MPV17: variants seen among roughly 807,000 people sequenced by gnomAD.
MPV17 encodes MPV17, mitochondrial inner membrane protein.
MPV17 carries 31 observed loss-of-function variants against 28.6 expected under a neutral mutation model. That is an observed-to-expected ratio of 1.08 (90% CI 0.81 to 1.46). The LOEUF is 1.46. Ranked by LOEUF, MPV17 falls within the 40% of genes most tolerant of loss-of-function variation. The pLI is 0.00. For missense variants in MPV17, 198 were observed against 216.2 expected (o/e 0.92, Z 0.53); for synonymous variants, 87 against 85.3 (o/e 1.02, Z -0.11).
chr2:27,320,942 G>GA (rs1679834297), intron 2 of MPV17, among the ~76,000 whole-genome samples: 1 of 152,180 alleles, frequency 6.6e-6, no homozygotes, highest in South Asian at 2.1e-4. Context: ...AAAGTGCTGG[G>GA]AGGCTACATT....
chr2:27,315,831 G>T, intron 2 of MPV17: 1 of 1,176,828 alleles, frequency 8.5e-7, no homozygotes, highest in Non-Finnish European at 1.1e-6. Context: ...CAAAGTGTTG[G>T]GATTATAGGT....
At chr2:27,321,743 G>A (rs1410314139) in intron 2 of MPV17, among the ~76,000 whole-genome samples, 6 of 152,084 alleles carry the variant, frequency 3.9e-5, no homozygotes. Flanking sequence ...TGGAGTGACT[G>A]GTATCTGATC....
Position 27,312,721 on chromosome 2 carries a change from T to C in MPV17, c.238A>G (p.Thr80Ala). 6.2e-7 allele frequency: 1 copy of C among 1,614,206 alleles called. No homozygotes were observed. The highest frequency in any genetic ancestry group is 1.3e-5 in the African/African-American group (1 of 75,060). Residue 80 changes from threonine to alanine, a missense_variant, in exon 4 of 8, where the codon ACC becomes GCC. Physicochemically the swap from Thr to Ala is moderately conservative, Grantham distance 58 (BLOSUM62 0). Coordinates refer to ENST00000380044, the MANE Select transcript of MPV17 (RefSeq NM_002437.5). ...TTCTTCAGTGCATCCACTTTGGTGG[T>C]GCCAGGGATGAACCGATCCAAAACC... ...YKVLDRFIPG[T>A]TKVDALKKML...
At chr2:27,316,538 A>G (rs1006547185) in intron 2 of MPV17, among the ~76,000 whole-genome samples, 3 of 152,208 alleles carry the variant, frequency 2.0e-5, no homozygotes, top group Non-Finnish European at 2.9e-5. Context: ...CTTTGGAGCA[A>G]GCATAGAGCA....
chr2:27,311,078 CAG>C (rs1328749101), intron 7 of MPV17: 1 of 90,618 alleles, frequency 1.1e-5, no homozygotes, highest in Non-Finnish European at 1.9e-5. Flanking sequence ...TTTTTGGAGA[CAG>C]GGTCGTCTCA....
Position 27,311,944 on chromosome 2 carries a change from G to A in MPV17, c.416C>T (p.Pro139Leu). The A allele has an allele frequency of 6.2e-7, 1 of 1,613,628 alleles. No homozygotes were observed. Among genetic ancestry groups the A allele is most frequent in the African/African-American group, 1.3e-5 (1 of 75,032 alleles). ...GTAGAAGTTGGCTAACTGCACAGCA[G>A]GCCATAGCTGCAAGAGAAAATGTAA... ...DALITNYYLWPAVQLANFYLV... is the reference protein window; with the variant it reads ...DALITNYYLWLAVQLANFYLV... Residue 139 changes from proline to leucine, a missense_variant, in exon 7 of 8, where the codon CCT becomes CTT. Transcript: ENST00000380044.
At chr2:27,316,190 G>C (rs2148219450) in intron 2 of MPV17, 2 of 1,551,100 alleles carry the variant, frequency 1.3e-6, no homozygotes, top group Non-Finnish European at 1.7e-6. Context: ...AATATTCCTG[G>C]GAAAGAAACA....
intron 2 of MPV17, among the ~76,000 whole-genome samples, chr2:27,319,571 T>A (rs1036843672): frequency 6.7e-6 from 1 of 149,802 alleles, no homozygotes; most frequent in Non-Finnish European, 1.5e-5. Context: ...ATTGTGCCTG[T>A]GTTGCCAACA....
intron 7 of MPV17, chr2:27,311,220 T>C (rs950270938): frequency 1.0e-5 from 2 of 195,844 alleles, no homozygotes; most frequent in African/African-American, 4.7e-5. Context: ...ACCATGTGAC[T>C]GGCTAATTTT....
At chr2:27,315,965 A>G in intron 2 of MPV17, 2 of 1,485,150 alleles carry the variant, frequency 1.3e-6, no homozygotes, top group Non-Finnish European at 1.8e-6. Flanking sequence ...CAAGGAGGCC[A>G]GGGTATTCCT....
intron 2 of MPV17, chr2:27,316,310 A>C (rs1318127026): frequency 1.7e-6 from 2 of 1,169,610 alleles, no homozygotes; most frequent in Non-Finnish European, 2.4e-6. Context: ...ATAGTTCTGG[A>C]AGCCTGCAGC....
chr2:27,310,755 T>G (rs1045532568), intron 7 of MPV17, among the ~76,000 whole-genome samples: 3 of 151,970 alleles, frequency 2.0e-5, no homozygotes, highest in Admixed American at 6.6e-5. Context: ...TTTTTTCGGG[T>G]TTTTTTTGAG....
intron 2 of MPV17, chr2:27,322,142 T>C (rs1438995030): frequency 4.2e-6 from 2 of 473,340 alleles, no homozygotes; most frequent in Non-Finnish European, 7.7e-6. Flanking sequence ...TTGCATACGG[T>C]AAAATGTTTT....
chr2:27,312,510 C>T lies in MPV17; in HGVS notation c.359G>A (p.Trp120Ter), dbSNP rs121909724. Residue 120 changes from tryptophan to a stop codon, truncating the protein, a stop_gained, in exon 5 of 8, where the codon TGG becomes TAG. Transcript: ENST00000380044. LOFTEE classifies it high-confidence loss of function. ...CCAGCTCACCCGCTGTAGTTTGGCCCAGTTGTCCTGGGCTGACAGTCCATT... is the reference window on the plus strand; with the variant it reads ...CCAGCTCACCCGCTGTAGTTTGGCCTAGTTGTCCTGGGCTGACAGTCCATT... The part of the protein sequence containing the change: ...ALNGLSAQDN[W>*]AKLQRDYPDA... 1.2e-6 allele frequency: 2 copies of T among 1,614,024 alleles called. No individual in the cohort carries two copies. The highest frequency in any genetic ancestry group is 8.5e-7 in the Non-Finnish European group (1 of 1,179,974).
intron 7 of MPV17, chr2:27,311,691 G>A: frequency 6.4e-7 from 1 of 1,551,210 alleles, no homozygotes; most frequent in Non-Finnish European, 8.7e-7. Context: ...GGGAGATGAA[G>A]AAGGTCAGTG....
At chr2:27,313,152 G>A (rs1679525014) in intron 2 of MPV17, 43 bp from the exon 3 acceptor site, 1 of 1,613,754 alleles carries the variant, frequency 6.2e-7, no homozygotes, top group Non-Finnish European at 8.5e-7. Context: ...CTCCTGGGAT[G>A]GGCTGCCATT....
chr2:27,314,825 C>T (rs1213903667), intron 2 of MPV17, among the ~76,000 whole-genome samples: 1 of 152,232 alleles, frequency 6.6e-6, no homozygotes, highest in African/African-American at 2.4e-5. Flanking sequence ...TTCCTTGGCC[C>T]AGAACTGGCT....
chr2:27,317,160 T>G lies in MPV17; in HGVS notation c.71-4051A>C. ...GAGTGAGGAGCAGGAAGCGTGTCCTTCAGTCCAGGAGGCCTGGGTCGGCAG... is the reference window on the plus strand; with the variant it reads ...GAGTGAGGAGCAGGAAGCGTGTCCTGCAGTCCAGGAGGCCTGGGTCGGCAG... On this transcript the variant is annotated intron_variant, in intron 2 of 7. Coordinates refer to ENST00000380044, the MANE Select transcript of MPV17 (RefSeq NM_002437.5). The surrounding 1 kb of genome is among the most constrained non-coding windows in gnomAD (Gnocchi z 4.0). 1 of 1,550,378 alleles carries G rather than the reference T, an allele frequency of 6.5e-7. No homozygotes were observed. The highest frequency in any genetic ancestry group is 1.4e-5 in the African/African-American group (1 of 73,142).
intron 7 of MPV17, among the ~76,000 whole-genome samples, chr2:27,310,610 C>G (rs1339612539): frequency 6.6e-6 from 1 of 152,256 alleles, no homozygotes; most frequent in Non-Finnish European, 1.5e-5. Flanking sequence ...GCTGAGATTT[C>G]ATCTTCCGAA....
Sources: allele counts gnomAD v4.1 joint callset (sites outside exome capture counted in the v4.1 genomes callset), GRCh38; gene constraint gnomAD v4.1.1; non-coding constraint Gnocchi (gnomAD v3.1); transcripts MANE v1.5; gene names NCBI Gene and HGNC (gene_info 2026-07-23, HGNC 2026-07-21).